The following WARS1 variants were observed in gnomAD, a reference collection of about 807,000 sequenced individuals.
The protein encoded by WARS1 is tryptophanyl-tRNA synthetase 1.
A neutral mutation model predicts 47.8 loss-of-function variants in WARS1; 17 were observed. The ratio of observed to expected loss-of-function variants is 0.36; its 90% confidence interval spans 0.24 to 0.53. The LOEUF (loss-of-function observed/expected upper bound fraction) is 0.53. Among genes scored for constraint, WARS1 ranks in the 20% least tolerant of loss-of-function variants. WARS1 has a pLI of 0.91. For missense variants in WARS1, 434 were observed against 608.0 expected (o/e 0.71, Z 3.01); for synonymous variants, 208 against 228.1 (o/e 0.91, Z 0.79).
At chr14:100,350,771 G>C (rs992864459) in intron 6 of WARS1, among the ~76,000 whole-genome samples, 8 of 152,326 alleles carry the variant, frequency 5.3e-5, no homozygotes, top group Admixed American at 3.3e-4. Flanking sequence ...CAGCTAGTGG[G>C]GAGAGGGCCA....
intron 1 of WARS1, among the ~76,000 whole-genome samples, chr14:100,370,782 G>GAAAAA: frequency 6.9e-6 from 1 of 145,836 alleles, no homozygotes; most frequent in African/African-American, 2.5e-5. Flanking sequence ...ACAAAAAAAT[G>GAAAAA]AAAAAAAAAA....
rs140956308 is a variant in WARS1 at position 100,334,906 on chromosome 14, G to A, written c.1385C>T (p.Thr462Ile). Residue 462 changes from threonine to isoleucine, a missense_variant, in exon 11 of 11, where the codon ACT becomes ATT. Physicochemically the swap from Thr to Ile is moderately conservative, Grantham distance 89. Around this residue, in one of 2 missense-constraint regions of WARS1, gnomAD observed 347 missense variants for 523.8 expected, o/e 0.66. Coordinates refer to ENST00000392882, the MANE Select transcript of WARS1 (RefSeq NM_004184.4). Reference sequence around the variant, plus strand: ...AAAGTCGAAGGACAGCTTCCGGGGAGTCATGAACTCTTTCACTATCTCATC... The same window carrying A: ...AAAGTCGAAGGACAGCTTCCGGGGAATCATGAACTCTTTCACTATCTCATC... ...VTDEIVKEFM[T>I]PRKLSFDFQ 46 of 1,614,080 alleles carry A rather than the reference G, an allele frequency of 2.8e-5. 1 individual carries two copies. Among genetic ancestry groups the A allele is most frequent in the Middle Eastern group, 1.6e-4 (1 of 6,084 alleles).
intron 4 of WARS1, among the ~76,000 whole-genome samples, chr14:100,357,524 C>T (rs181995991): frequency 1.1e-3 from 163 of 151,544 alleles, no homozygotes; most frequent in Middle Eastern, 3.4e-3. Context: ...TGCAATGGCA[C>T]GATCTCGGGT....
chr14:100,340,362 A>C (rs964982368), intron 9 of WARS1: 5 of 152,318 alleles, frequency 3.3e-5, no homozygotes, highest in African/African-American at 1.2e-4. Flanking sequence ...AATGATGCCG[A>C]ATGGACACAG....
chr14:100,347,915 C>T (rs1001018735), intron 6 of WARS1, among the ~76,000 whole-genome samples: 13 of 152,136 alleles, frequency 8.5e-5, no homozygotes, highest in African/African-American at 2.7e-4. Flanking sequence ...TTACTATATT[C>T]AGTAGCTTTT....
At chr14:100,368,116 C>A (rs995300459) in intron 2 of WARS1, among the ~76,000 whole-genome samples, 1 of 152,082 alleles carries the variant, frequency 6.6e-6, no homozygotes, top group African/African-American at 2.4e-5. Context: ...TGGGAGAGAT[C>A]GCCTCAAGAA....
intron 9 of WARS1, among the ~76,000 whole-genome samples, chr14:100,341,789 T>C (rs1894181113): frequency 6.6e-6 from 1 of 152,234 alleles, no homozygotes; most frequent in Non-Finnish European, 1.5e-5. Context: ...CCGTTCTATG[T>C]CTCTCAGTGA....
intron 5 of WARS1, 141 bp from the exon 6 acceptor site, chr14:100,354,010 G>A: frequency 1.4e-6 from 1 of 739,892 alleles, no homozygotes; most frequent in Non-Finnish European, 2.2e-6. Flanking sequence ...ATTGTGATAT[G>A]AATTTGACTA....
At position 100,369,132 on chromosome 14, in the gene WARS1, T is replaced by A. The variant is rs139111006; in HGVS notation, c.54A>T (p.Thr18=). The part of the protein sequence containing the change: ...SLLELFNSIA[T]QGELVRSLKA... The stretch of plus-strand genomic sequence containing the variant: ...TGAGGGACCTTACGAGCTCCCCTTG[T>A]GTGGCGATGCTGTTGAACAGCTCCA... The change falls in exon 2 of 11, where the codon ACA becomes ACT. Residue 18 remains threonine, a synonymous_variant. Transcript: ENST00000392882. The A allele has an allele frequency of 3.2e-6, 5 of 1,572,918 alleles. No homozygotes were observed. The highest frequency in any genetic ancestry group is 4.3e-6 in the Non-Finnish European group (5 of 1,151,138).
chr14:100,360,899 T>A (rs929680504), intron 3 of WARS1, among the ~76,000 whole-genome samples: 1 of 152,164 alleles, frequency 6.6e-6, no homozygotes, highest in Non-Finnish European at 1.5e-5. Flanking sequence ...CAAAATGCTG[T>A]TTTGCCTGAG....
intron 10 of WARS1, among the ~76,000 whole-genome samples, chr14:100,336,275 C>CAAAAAAAAAAA (rs56343247): frequency 8.8e-6 from 1 of 113,996 alleles, no homozygotes; most frequent in Non-Finnish European, 1.8e-5. Context: ...GACTCTGTCT[C>CAAAAAAAAAAA]AAAAAAAAAA....
Position 100,361,904 on chromosome 14 carries a change from T to G in WARS1, c.117A>C (p.Ala39=), listed in dbSNP as rs1216773882. The part of the protein sequence containing the change: ...GNASKDEIDS[A]VKMLVSLKMS... ...TTTTTAATGACACCAACATCTTTAC[T>G]GCAGAATCAATTTCATCCTGAGAGA... Residue 39 remains alanine, a synonymous_variant, in exon 3 of 11, where the codon GCA becomes GCC. Coordinates refer to ENST00000392882, the MANE Select transcript of WARS1 (RefSeq NM_004184.4). 1.2e-6 allele frequency: 2 copies of G among 1,614,192 alleles called. No individual in the cohort carries two copies. Among genetic ancestry groups the G allele is most frequent in the Admixed American group, 3.3e-5 (2 of 60,026 alleles).
At chr14:100,342,961 C>A (rs1469441637) in intron 8 of WARS1, among the ~76,000 whole-genome samples, 1 of 152,050 alleles carries the variant, frequency 6.6e-6, no homozygotes, top group Non-Finnish European at 1.5e-5. Context: ...TGCAGTGATG[C>A]GCTCTCGCTG....
Position 100,336,867 on chromosome 14 carries a change from C to T in WARS1, c.1254+195G>A, listed in dbSNP as rs761952403. The T allele has an allele frequency of 1.4e-4, 86 of 617,664 alleles. 1 individual carries two copies. The highest frequency in any genetic ancestry group is 4.6e-4 in the Middle Eastern group (1 of 2,184). The allele number at this position is 617,664 out of a possible 1,614,324, so 38.3% of individuals were successfully genotyped here. ...CTAAATGAATAGTGATTTGTATCTG[C>T]TCTTTCGAGATTTGTTCATGAGGCT... On this transcript the variant is annotated intron_variant, in intron 10 of 10. Transcript: ENST00000392882.
At chr14:100,354,143 T>G (rs1895168396) in intron 5 of WARS1, 1 of 508,936 alleles carries the variant, frequency 2.0e-6, no homozygotes, top group South Asian at 2.6e-5. Context: ...ATCTTCATTC[T>G]CATCTTGCAG....
chr14:100,369,642 T>C (rs1438800432), intron 1 of WARS1, among the ~76,000 whole-genome samples: 2 of 151,872 alleles, frequency 1.3e-5, no homozygotes, highest in Non-Finnish European at 2.9e-5. Context: ...TTAATGAACT[T>C]AAGTTCATTG....
intron 2 of WARS1, among the ~76,000 whole-genome samples, chr14:100,368,821 T>C (rs890662806): frequency 1.3e-5 from 2 of 151,858 alleles, no homozygotes; most frequent in Non-Finnish European, 2.9e-5. Context: ...ATTAGCTGGG[T>C]GTGGTGGTGC....
chr14:100,354,007 T>C, intron 5 of WARS1, 138 bp from the exon 6 acceptor site: 1 of 769,512 alleles, frequency 1.3e-6, no homozygotes, highest in East Asian at 2.7e-5. Context: ...TGAATTGTGA[T>C]ATGAATTTGA....
chr14:100,366,053 G>C (rs1398711667), intron 2 of WARS1: 1 of 455,904 alleles, frequency 2.2e-6, no homozygotes, highest in Non-Finnish European at 4.4e-6. Context: ...GGCCAAGGGA[G>C]TGTCACAGTT....
Sources: allele counts gnomAD v4.1 joint callset (sites outside exome capture counted in the v4.1 genomes callset), GRCh38; gene constraint gnomAD v4.1.1; regional missense constraint gnomAD v4.1.1; transcripts MANE v1.5; gene names NCBI Gene and HGNC (gene_info 2026-07-23, HGNC 2026-07-21).